WNK3: variants seen among roughly 807,000 people sequenced by gnomAD.
The protein encoded by WNK3 is WNK lysine deficient protein kinase 3.
Under a neutral mutation model 116.7 loss-of-function variants are expected in WNK3, and 18 were observed. The observed-to-expected ratio is 0.15, with a 90% CI of 0.11 to 0.23. The LOEUF (loss-of-function observed/expected upper bound fraction) is 0.23. Ranked by LOEUF, WNK3 falls within the 10% of genes least tolerant of loss-of-function variation. WNK3 has a pLI of 1.00. For missense variants in WNK3, 993 were observed against 1,323.8 expected, an observed-to-expected ratio of 0.75 and a Z score of 3.88; for synonymous variants, 404 against 469.4, an observed-to-expected ratio of 0.86 and a Z score of 1.80.
At chrX:54,296,000 G>A (rs1461145213) in intron 7 of WNK3, among the ~76,000 whole-genome samples, 3 of 111,890 alleles carry the variant, frequency 2.7e-5, no homozygotes, top group African/African-American at 9.7e-5. Context: ...TGGAAGGTAA[G>A]TTCTGACCTG....
chrX:54,226,048 T>C (rs186203441), intron 22 of WNK3, among the ~76,000 whole-genome samples: 21 of 46,407 alleles, frequency 4.5e-4, no homozygotes, highest in African/African-American at 1.9e-3. Flanking sequence ...GGGGGAAAAA[T>C]AGTCTTTTCA....
chrX:54,251,902 C>G (rs1294033749), intron 13 of WNK3, among the ~76,000 whole-genome samples: 1 of 108,502 alleles, frequency 9.2e-6, no homozygotes, highest in Non-Finnish European at 1.9e-5. Context: ...CCTGTCTCTA[C>G]TAAAAATACA....
chrX:54,308,437 G>A (rs1240839355), intron 4 of WNK3, among the ~76,000 whole-genome samples: 3 of 111,062 alleles, frequency 2.7e-5, no homozygotes, highest in African/African-American at 6.5e-5. Context: ...TGATCCACCC[G>A]CCTCAGGCTC....
intron 22 of WNK3, among the ~76,000 whole-genome samples, chrX:54,226,671 G>A (rs933354123): frequency 9.3e-6 from 1 of 107,482 alleles, no homozygotes; most frequent in Non-Finnish European, 1.9e-5. Context: ...GTGAAACCCC[G>A]TCTCTACTAA....
intron 22 of WNK3, among the ~76,000 whole-genome samples, chrX:54,216,479 T>A (rs1284947500): frequency 9.1e-6 from 1 of 110,031 alleles, no homozygotes; most frequent in East Asian, 2.8e-4. Flanking sequence ...ACAACTCAGC[T>A]GCCTAAGGCT....
intron 22 of WNK3, among the ~76,000 whole-genome samples, chrX:54,203,845 G>A (rs868969193): frequency 1.3e-4 from 14 of 110,136 alleles, no homozygotes; most frequent in Admixed American, 2.0e-4. Context: ...TACTCGGAAG[G>A]TTGAGGCAAG....
At chrX:54,279,089 TAAATA>T (rs782606388) in intron 10 of WNK3, among the ~76,000 whole-genome samples, 31 of 107,498 alleles carry the variant, frequency 2.9e-4, no homozygotes, top group Admixed American at 1.6e-3. Context: ...AATAAATAAA[TAAATA>T]AAATAAAATA....
chrX:54,283,788 A>AG (rs2068547296), intron 10 of WNK3, among the ~76,000 whole-genome samples: 1 of 106,866 alleles, frequency 9.4e-6, no homozygotes, highest in South Asian at 4.1e-4. Flanking sequence ...AAAAAAAAAA[A>AG]AGATAACAAG....
In WNK3 at chrX:54,329,031, C is replaced by T. The variant is rs115284983; in HGVS notation, c.537+4106G>A. 5.0e-3 allele frequency among the ~76,000 whole-genome samples: 558 copies of T among 111,732 alleles called. 5 individuals carry two copies. The highest frequency in any genetic ancestry group is 0.017 in the African/African-American group (531 of 30,776). Reference sequence around the variant, plus strand: ...CAATTTGAGAAGTCTGGACTGGAAGCCGGAAATCAGAATACATAATATAAT... The same window carrying T: ...CAATTTGAGAAGTCTGGACTGGAAGTCGGAAATCAGAATACATAATATAAT... On this transcript the variant is annotated intron_variant, in intron 2 of 23. Coordinates refer to ENST00000354646, the Ensembl canonical transcript of WNK3.
chrX:54,342,977 T>C (rs1221373691), intron 1 of WNK3, among the ~76,000 whole-genome samples: 3 of 110,694 alleles, frequency 2.7e-5, no homozygotes, highest in Non-Finnish European at 5.7e-5. Flanking sequence ...GCATCCCGAG[T>C]AGCTGGGACT....
intron 2 of WNK3, among the ~76,000 whole-genome samples, chrX:54,313,952 G>A (rs1292004841): frequency 9.1e-6 from 1 of 109,514 alleles, no homozygotes; most frequent in African/African-American, 3.3e-5. Flanking sequence ...AGCACTTTGG[G>A]AGGCCAAGGC....
At chrX:54,243,363 G>A (rs980879844) in intron 17 of WNK3, among the ~76,000 whole-genome samples, 5 of 100,152 alleles carry the variant, frequency 5.0e-5, no homozygotes, top group Non-Finnish European at 1.0e-4. Context: ...GGAGCTTGCA[G>A]TGAGCCAAGA....
At chrX:54,320,082 A>G (rs1442288107) in intron 2 of WNK3, among the ~76,000 whole-genome samples, 1 of 112,174 alleles carries the variant, frequency 8.9e-6, no homozygotes, top group African/African-American at 3.2e-5. Context: ...GCTGATAAAT[A>G]GGAGTCAAAT....
exon 14 of WNK3, chrX:54,251,546 A>G: frequency 8.3e-7 from 1 of 1,210,461 alleles, no homozygotes; most frequent in Non-Finnish European, 1.1e-6. Context: ...CTACTGTTGG[A>G]GTCCACAGTA....
chrX:54,350,164 C>T (rs12556403), intron 1 of WNK3, among the ~76,000 whole-genome samples: 4,245 of 111,549 alleles, frequency 0.038, 92 homozygotes, highest in Non-Finnish European at 0.063. Context: ...AATCCCAGCA[C>T]TTTGGGAGGC....
intron 20 of WNK3, among the ~76,000 whole-genome samples, chrX:54,233,445 A>G (rs1640136625): frequency 9.8e-6 from 1 of 102,461 alleles, no homozygotes. Flanking sequence ...CAAAAAAAAA[A>G]AAAGAAAGAA....
At chrX:54,307,311 G>A (rs1401119700) in intron 5 of WNK3, among the ~76,000 whole-genome samples, 2 of 110,932 alleles carry the variant, frequency 1.8e-5, no homozygotes, top group African/African-American at 6.5e-5. Flanking sequence ...TTCACAGCCT[G>A]TCTTGAGCTG....
intron 22 of WNK3, among the ~76,000 whole-genome samples, chrX:54,207,378 C>T (rs2067564588): frequency 9.0e-6 from 1 of 111,284 alleles, no homozygotes; most frequent in Non-Finnish European, 1.9e-5. Context: ...CCATTTCACC[C>T]AACTATTTGA....
At chrX:54,224,592 T>A (rs1474701564) in intron 22 of WNK3, among the ~76,000 whole-genome samples, 1 of 105,687 alleles carries the variant, frequency 9.5e-6, no homozygotes, top group African/African-American at 3.7e-5. Context: ...CTTTTTGAGA[T>A]GGAGTCTCGC....
Sources: allele counts gnomAD v4.1 joint callset (sites outside exome capture counted in the v4.1 genomes callset), GRCh38; gene constraint gnomAD v4.1.1; transcripts MANE v1.5; gene names NCBI Gene and HGNC (gene_info 2026-07-23, HGNC 2026-07-21).